Variants in SYT12 observed in about 807,000 individuals in gnomAD.
SYT12 encodes the protein synaptotagmin-12.
In SYT12, 27 loss-of-function variants were observed where a neutral mutation model predicts 39.5. The observed-to-expected ratio is 0.68, with a 90% confidence interval of 0.50 to 0.94. The LOEUF (loss-of-function observed/expected upper bound fraction) is 0.94, where lower values mean the gene tolerates loss of function less well. Among genes scored for constraint, SYT12 ranks in the 40% least tolerant of loss-of-function variants. SYT12 has a pLI of 0.00. For missense variants in SYT12, 536 were observed against 572.6 expected (o/e 0.94, Z 0.65); for synonymous variants, 233 against 239.7 (o/e 0.97, Z 0.26).
chr11:67,008,246 A>G lies in SYT12; in HGVS notation c.-485+791A>G, dbSNP rs369046740. Among the ~76,000 whole-genome samples, 24 of 152,134 alleles carry G rather than the reference A, an allele frequency of 1.6e-4. No individual in the cohort carries two copies. In the East Asian group the frequency reaches 2.7e-3, roughly 17 times the overall value. On this transcript the variant is annotated intron_variant, in intron 1 of 10. Coordinates refer to the SYT12 transcript ENST00000393946. The stretch of plus-strand genomic sequence containing the variant: ...TGAGATTACAGGCTTGAGCCATCAC[A>G]CCCGGCCAGGAAGCCCTTCTTAATC...
In SYT12 at chr11:67,040,068, C is replaced by T. The variant is rs148756024; in HGVS notation, c.486C>T (p.Tyr162=). 103 of 1,613,830 alleles carry T rather than the reference C, an allele frequency of 6.4e-5. No homozygotes were observed. Among genetic ancestry groups the T allele is most frequent in the Non-Finnish European group, 7.1e-5 (84 of 1,180,012 alleles). ...TLGQVEVSME[Y]DTASHTLNVA... ...GCCAGGTGGAGGTGAGCATGGAGTA[C>T]GACACTGCCTCCCACACGCTGAACG... is the stretch of plus-strand genomic sequence containing the variant. Residue 162 remains tyrosine, a synonymous_variant, in exon 4 of 8, where the codon TAC becomes TAT. Coordinates refer to ENST00000527043, the MANE Select transcript of SYT12 (RefSeq NM_177963.4).
intron 6 of SYT12, 97 bp downstream of exon 6, chr11:67,044,810 G>A (rs560605343): frequency 5.8e-6 from 9 of 1,546,428 alleles, no homozygotes; most frequent in East Asian, 2.3e-5. Flanking sequence ...CGGCAGGTGT[G>A]GGACACAGTG....
intron 3 of SYT12, among the ~76,000 whole-genome samples, chr11:67,039,590 G>A (rs1306970297): frequency 6.6e-6 from 1 of 152,120 alleles, no homozygotes; most frequent in Non-Finnish European, 1.5e-5. Context: ...CTCCAGCCTG[G>A]GCAACAAGAG....
chr11:67,012,950 C>T (rs1054335192), intron 3 of SYT12, among the ~76,000 whole-genome samples: 10 of 150,120 alleles, frequency 6.7e-5, no homozygotes, highest in African/African-American at 2.5e-4. Context: ...CTTTTGAAAC[C>T]TGGGGGGGGT....
At chr11:67,012,228 A>G (rs1950018793) in intron 3 of SYT12, among the ~76,000 whole-genome samples, 1 of 151,734 alleles carries the variant, frequency 6.6e-6, no homozygotes, top group Admixed American at 6.6e-5. Context: ...AAAATTAGCC[A>G]GGCGTGGTGG....
chr11:67,045,699 G>A lies in SYT12; in HGVS notation c.959-45G>A, dbSNP rs751568286. On this transcript the variant is annotated intron_variant, in intron 6 of 7. Coordinates refer to ENST00000527043, the MANE Select transcript of SYT12 (RefSeq NM_177963.4). ...TGGAGCCAAACTGGGCAGGGCTGTGGTGAGTGAGTGTGACACTGGCCCTCA... is the reference window on the plus strand; with the variant it reads ...TGGAGCCAAACTGGGCAGGGCTGTGATGAGTGAGTGTGACACTGGCCCTCA... 1.1e-5 allele frequency: 18 copies of A among 1,604,722 alleles called. No individual in the cohort carries two copies. In the Admixed American group the frequency reaches 3.1e-4, roughly 28 times the overall value.
At chr11:67,043,228 G>C (rs1023288965) in intron 4 of SYT12, among the ~76,000 whole-genome samples, 3 of 152,180 alleles carry the variant, frequency 2.0e-5, no homozygotes, top group Non-Finnish European at 4.4e-5. Context: ...CCTGGGCCAG[G>C]CTCTGCAGGA....
intron 3 of SYT12, among the ~76,000 whole-genome samples, chr11:67,036,901 T>C (rs571823621): frequency 6.6e-6 from 1 of 152,104 alleles, no homozygotes; most frequent in South Asian, 2.1e-4. Flanking sequence ...TGGAGAAACC[T>C]GGTCTCTACT....
chr11:67,014,991 TA>T (rs1178649694), intron 3 of SYT12, among the ~76,000 whole-genome samples: 1 of 152,128 alleles, frequency 6.6e-6, no homozygotes, highest in Admixed American at 6.5e-5. Context: ...CGCCACAAAC[TA>T]CTTAAAAGAC....
At chr11:67,048,248 G>A (rs180962347) in intron 7 of SYT12, among the ~76,000 whole-genome samples, 188 of 149,498 alleles carry the variant, frequency 1.3e-3, no homozygotes, top group African/African-American at 4.5e-3. Flanking sequence ...TCCAGCCTGG[G>A]TAACAGAGTG....
intron 3 of SYT12, among the ~76,000 whole-genome samples, chr11:67,015,531 CTT>C (rs956200061): frequency 6.6e-6 from 1 of 152,100 alleles, no homozygotes; most frequent in African/African-American, 2.4e-5. Context: ...AAGGGAAGGG[CTT>C]TCTCTCCTCG....
chr11:67,020,904 T>C (rs1346065393), upstream of SYT12, among the ~76,000 whole-genome samples: 1 of 152,148 alleles, frequency 6.6e-6, no homozygotes, highest in East Asian at 1.9e-4. Context: ...AATTTTGTAT[T>C]TTTTAGTAGA....
At chr11:67,040,292 C>G in intron 4 of SYT12, 89 bp downstream of exon 4, 1 of 1,495,492 alleles carries the variant, frequency 6.7e-7, no homozygotes, top group Non-Finnish European at 8.9e-7. Flanking sequence ...CGGCAGGATC[C>G]CAGAAAGGCA....
intron 3 of SYT12, among the ~76,000 whole-genome samples, chr11:67,035,790 T>TTTCCTTCCTTCCTTCCTTCCTTCC (rs1172307451): frequency 2.6e-4 from 19 of 73,222 alleles, no homozygotes; most frequent in African/African-American, 7.7e-4. Context: ...TTTTCTTTTC[T>TTTCCTTCCTTCCTTCCTTCCTTCC]TTCCTTCCTT....
intron 1 of SYT12, among the ~76,000 whole-genome samples, chr11:67,026,224 G>A (rs948642390): frequency 2.6e-5 from 4 of 152,082 alleles, no homozygotes; most frequent in African/African-American, 7.2e-5. Flanking sequence ...TGTTGGAGTC[G>A]GGGGATGCAA....
chr11:67,048,249 T>C (rs1181347877), intron 7 of SYT12, among the ~76,000 whole-genome samples: 2 of 139,942 alleles, frequency 1.4e-5, no homozygotes, highest in Non-Finnish European at 3.0e-5. Context: ...CCAGCCTGGG[T>C]AACAGAGTGA....
Position 67,048,860 on chromosome 11 carries a change from G to T in SYT12, c.*103G>T. 1 of 1,366,394 alleles carries T rather than the reference G, an allele frequency of 7.3e-7. No individual in the cohort carries two copies. Among genetic ancestry groups the T allele is most frequent in the South Asian group, 1.4e-5 (1 of 72,226 alleles). The allele number at this position is 1,366,394 out of a possible 1,614,324, so 84.6% of individuals were successfully genotyped here. On this transcript the variant is annotated 3_prime_UTR_variant, in exon 8 of 8. Coordinates refer to ENST00000527043, the MANE Select transcript of SYT12 (RefSeq NM_177963.4). ...AGCCCAGCTGGAGCCGTGAACACTGGGGTCCCCTGGCAGAGTCCTCATGAC... is the reference window on the plus strand; with the variant it reads ...AGCCCAGCTGGAGCCGTGAACACTGTGGTCCCCTGGCAGAGTCCTCATGAC...
intron 1 of SYT12, among the ~76,000 whole-genome samples, chr11:67,008,767 C>T (rs1949990460): frequency 6.6e-6 from 1 of 152,098 alleles, no homozygotes; most frequent in Non-Finnish European, 1.5e-5. Context: ...GTCATGAACT[C>T]CTGACCTCAT....
intron 3 of SYT12, among the ~76,000 whole-genome samples, chr11:67,017,399 G>A (rs1198542608): frequency 5.4e-5 from 8 of 148,348 alleles, no homozygotes; most frequent in Admixed American, 2.7e-4. Context: ...TTGCTCTGTC[G>A]CCCAGGCTGG....
Sources: allele counts gnomAD v4.1 joint callset (sites outside exome capture counted in the v4.1 genomes callset), GRCh38; gene constraint gnomAD v4.1.1; transcripts MANE v1.5; gene names NCBI Gene and HGNC (gene_info 2026-07-23, HGNC 2026-07-21).